AIFM2: variants seen among roughly 807,000 people sequenced by gnomAD.
The protein encoded by AIFM2 is AIF family member 2, ferroptosis suppressor.
AIFM2 carries 38 observed loss-of-function variants against 35.7 expected under a neutral mutation model. The ratio of observed to expected loss-of-function variants is 1.06; its 90% CI spans 0.82 to 1.39. The LOEUF (loss-of-function observed/expected upper bound fraction) is 1.39, where lower values mean the gene tolerates loss of function less well. Among genes scored for constraint, AIFM2 ranks in the 40% most tolerant of loss-of-function variants. The probability of loss-of-function intolerance (pLI) is 0.00; values close to 1 mark genes in which losing one functional copy is unlikely to be tolerated. For missense variants in AIFM2, 476 were observed against 491.2 expected (o/e 0.97, Z 0.29); for synonymous variants, 185 against 203.5 (o/e 0.91, Z 0.77).
rs2072408440 is a variant in AIFM2, at chr10:70,114,268, G to A, written c.1032C>T (p.Phe344=). The A allele has an allele frequency of 4.3e-6, 7 of 1,613,928 alleles. No individual in the cohort carries two copies. The African/African-American group carries it at 6.7e-5, about 15-fold the overall frequency. The change falls in exon 9 of 9, where the codon TTC becomes TTT. Residue 344 remains phenylalanine, a synonymous_variant. Coordinates refer to ENST00000307864, the MANE Select transcript of AIFM2 (RefSeq NM_032797.6). ...RNDGVGQISG[F]YVGRLMVRLT... ...GCCGAACCATGAGCCGGCCCACATA[G>A]AAGCCACTGATTTGGCCCACACCGT...
rs188156849 is a variant in AIFM2, at chr10:70,131,526, G to T, written c.-14+1208C>A. On this transcript the variant is annotated intron_variant, in intron 1 of 8. Transcript: ENST00000307864. This position sits in a 1 kb window ranked among gnomAD's most constrained non-coding sequence, Gnocchi z 4.1. The stretch of plus-strand genomic sequence containing the variant: ...GGGGAGGGCAGCTCTGGGGCAGACA[G>T]GTTCATCTGGATGTCATATTCACTC... 2.6e-5 allele frequency among the ~76,000 whole-genome samples: 4 copies of T among 152,328 alleles called. No individual in the cohort carries two copies. Among genetic ancestry groups the T allele is most frequent in the Non-Finnish European group, 5.9e-5 (4 of 68,030 alleles).
Position 70,117,812 on chromosome 10 carries a change from T to A in AIFM2, c.616A>T (p.Ser206Cys). The A allele has an allele frequency of 6.2e-7, 1 of 1,603,828 alleles. No individual in the cohort carries two copies. The change falls in exon 6 of 9, where the codon AGT (serine) becomes TGT (cysteine). Residue 206 changes from serine (S) to cysteine (C), a missense_variant and splice_region_variant. By Grantham distance (112) the Ser-to-Cys change is moderately radical. Coordinates refer to ENST00000307864, the MANE Select transcript of AIFM2 (RefSeq NM_032797.6). The surrounding 1 kb of genome is among the most constrained non-coding windows in gnomAD (Gnocchi z 4.7). ...LLRKGVQLLL[S>C]ERVSNLEELP... is the part of the protein sequence containing the mutation. ...GGGAGGGAGGTGAGGGTGCACGTAC[T>A]CAGCAGCAGCTGCACGCCCTTCCGG...
At chr10:70,120,007 C>T (rs938674402) in intron 5 of AIFM2, among the ~76,000 whole-genome samples, 2 of 152,258 alleles carry the variant, frequency 1.3e-5, no homozygotes, top group Admixed American at 1.3e-4. Context: ...GCAGAAAGGG[C>T]TCTGCTGCAG....
rs138788213 is a variant in AIFM2 at position 70,121,006 on chromosome 10, G to A, written c.414+86C>T. The A allele has an allele frequency of 1.4e-3, 2,089 of 1,535,248 alleles. 41 individuals are homozygous for A. The South Asian group carries it at 0.022, about 16-fold the overall frequency. On this transcript the variant is annotated intron_variant, in intron 4 of 8. Transcript: ENST00000307864. ...ACAGCCAGCAGCTCTGAGTAACCCCGTGGCCTCCCAGCTGCAGGCCTAGGC... is the reference window on the plus strand; with the variant it reads ...ACAGCCAGCAGCTCTGAGTAACCCCATGGCCTCCCAGCTGCAGGCCTAGGC...
rs143261580 is a variant in AIFM2 at position 70,116,729 on chromosome 10, C to T, written c.662G>A (p.Arg221Gln). The T allele has an allele frequency of 1.7e-4, 274 of 1,614,180 alleles. No homozygotes were observed. Among genetic ancestry groups the T allele is most frequent in the African/African-American group, 2.8e-4 (21 of 75,034 alleles). Reference sequence around the variant, plus strand: ...GTCCGTCTGCACTTTGATGTACTCTCGATACTCATTGAGAGGCAGCTCCTC... The same window carrying T: ...GTCCGTCTGCACTTTGATGTACTCTTGATACTCATTGAGAGGCAGCTCCTC... ...NLEELPLNEY[R>Q]EYIKVQTDKG... The change falls in exon 7 of 9, where the codon CGA becomes CAA. Residue 221 changes from arginine to glutamine, a missense_variant. Physicochemically the swap from Arg to Gln is conservative, Grantham distance 43. Transcript: ENST00000307864.
intron 5 of AIFM2, 83 bp downstream of exon 5, chr10:70,120,424 C>T: frequency 7.1e-7 from 1 of 1,404,552 alleles, no homozygotes; most frequent in Non-Finnish European, 1.0e-6. Flanking sequence ...ACTTCTCTGC[C>T]CTGAGCAAAT....
chr10:70,124,203 G>T, intron 1 of AIFM2, 106 bp from the exon 2 acceptor site: 1 of 830,698 alleles, frequency 1.2e-6, no homozygotes, highest in Non-Finnish European at 1.6e-6. Context: ...TTTTAGATGA[G>T]GTAAATCTTT....
At position 70,117,790 on chromosome 10, in the gene AIFM2, AG is replaced by A; in HGVS notation, c.616+21del. 1 of 1,581,596 alleles carries A rather than the reference AG, an allele frequency of 6.3e-7. No homozygotes were observed. Among genetic ancestry groups the A allele is most frequent in the Non-Finnish European group, 8.6e-7 (1 of 1,160,360 alleles). On this transcript the variant is annotated intron_variant, in intron 6 of 8. Transcript: ENST00000307864. The surrounding 1 kb of genome is among the most constrained non-coding windows in gnomAD (Gnocchi z 4.7). ...CTCACCAGGCCAGGGCAGGGCAGGGAGGGAGGTGAGGGTGCACGTACTCAGC... is the reference window on the plus strand; with the variant it reads ...CTCACCAGGCCAGGGCAGGGCAGGGAGGAGGTGAGGGTGCACGTACTCAGC...
rs772195409 is a variant in AIFM2, at chr10:70,123,989, G to A, written c.96C>T (p.Ala32=). ...GGIAAASQLQ[A]LNVPFMLVDM... ...CCACCAGCATGAAGGGGACGTTCAG[G>A]GCCTGCAGCTGGCTGGCTGCTGCGA... The change falls in exon 2 of 9, where the codon GCC becomes GCT. Residue 32 remains alanine, a synonymous_variant. Coordinates refer to ENST00000307864, the MANE Select transcript of AIFM2 (RefSeq NM_032797.6). 7 of 1,612,936 alleles carry A rather than the reference G, an allele frequency of 4.3e-6. No individual in the cohort carries two copies. Among genetic ancestry groups the A allele is most frequent in the Non-Finnish European group, 5.9e-6 (7 of 1,179,418 alleles).
intron 1 of AIFM2, among the ~76,000 whole-genome samples, chr10:70,125,358 T>A (rs919939879): frequency 1.4e-5 from 2 of 142,130 alleles, no homozygotes; most frequent in Non-Finnish European, 1.5e-5. Context: ...CCCAGCACTT[T>A]GGGAGGCTGA....
At chr10:70,130,975 C>T (rs1423215913) in intron 1 of AIFM2, among the ~76,000 whole-genome samples, 1 of 152,118 alleles carries the variant, frequency 6.6e-6, no homozygotes, top group Non-Finnish European at 1.5e-5. Context: ...TTTGCTCAGT[C>T]AATCCTGTTT....
chr10:70,122,570 A>G (rs1011274840), intron 3 of AIFM2, among the ~76,000 whole-genome samples: 6 of 152,058 alleles, frequency 3.9e-5, no homozygotes, highest in Non-Finnish European at 5.9e-5. Context: ...GAGGTGGGGG[A>G]ACACACAAAT....
intron 5 of AIFM2, 141 bp downstream of exon 5, chr10:70,120,366 G>A (rs780209616): frequency 1.1e-6 from 1 of 878,162 alleles, no homozygotes; most frequent in Non-Finnish European, 1.8e-6. Flanking sequence ...TCACACCTTG[G>A]CACAAAACAG....
chr10:70,132,451 C>T (rs945384790), intron 1 of AIFM2, among the ~76,000 whole-genome samples: 1 of 152,232 alleles, frequency 6.6e-6, no homozygotes, highest in Non-Finnish European at 1.5e-5. Flanking sequence ...GCCCATCTTC[C>T]TTAGGAAAAC....
At chr10:70,122,098 C>CAATTAAAAAAATTTTTTTTT (rs1317559256) in intron 3 of AIFM2, among the ~76,000 whole-genome samples, 2 of 151,876 alleles carry the variant, frequency 1.3e-5, no homozygotes, top group South Asian at 4.2e-4. Flanking sequence ...ATCTCAAAAA[C>CAATTAAAAAAATTTTTTTTT]AATTAAAAAA....
At chr10:70,120,948 G>T in intron 4 of AIFM2, 144 bp downstream of exon 4, 1 of 1,401,084 alleles carries the variant, frequency 7.1e-7, no homozygotes, top group Non-Finnish European at 9.6e-7. Context: ...TCCCAGGAAA[G>T]TCTCTTCCTA....
chr10:70,132,758 C>T lies in AIFM2; in HGVS notation c.-38G>A, dbSNP rs895056187. ...CCTGTCGGCCGCGCCCGCGCGCTCT[C>T]GCTCCGGCTCCCGCTCCCGCTCCCG... On this transcript the variant is annotated 5_prime_UTR_variant, in exon 1 of 9. Coordinates refer to ENST00000307864, the MANE Select transcript of AIFM2 (RefSeq NM_032797.6). The T allele has an allele frequency of 2.7e-5, 4 of 148,990 alleles. No individual in the cohort carries two copies. The highest frequency in any genetic ancestry group is 1.0e-4 in the African/African-American group (4 of 39,800). 9.2% of individuals were successfully genotyped at this position (148,990 alleles called of 1,614,324 possible).
At position 70,131,203 on chromosome 10, in the gene AIFM2, C is replaced by T. The variant is rs1273548313; in HGVS notation, c.-14+1531G>A. 6.6e-6 allele frequency among the ~76,000 whole-genome samples: 1 copy of T among 152,196 alleles called. No homozygotes were observed. The highest frequency in any genetic ancestry group is 1.5e-5 in the Non-Finnish European group (1 of 68,044). On this transcript the variant is annotated intron_variant, in intron 1 of 8. Transcript: ENST00000307864. The surrounding 1 kb of genome is among the most constrained non-coding windows in gnomAD (Gnocchi z 4.1). ...CTTCACAAATATTACAAATAAAACA[C>T]GATGCTTTTTGAGTCGTCATGGCTC...
intron 1 of AIFM2, among the ~76,000 whole-genome samples, chr10:70,128,251 C>T (rs1195386730): frequency 2.0e-5 from 3 of 152,222 alleles, no homozygotes; most frequent in Non-Finnish European, 4.4e-5. Context: ...GTGTGACACT[C>T]CATCAATCAA....
Sources: allele counts gnomAD v4.1 joint callset (sites outside exome capture counted in the v4.1 genomes callset), GRCh38; gene constraint gnomAD v4.1.1; non-coding constraint Gnocchi (gnomAD v3.1); transcripts MANE v1.5; gene names NCBI Gene and HGNC (gene_info 2026-07-23, HGNC 2026-07-21).